Variants in TCEA3 observed in about 807,000 individuals in gnomAD.
TCEA3 encodes the protein transcription elongation factor A protein 3.
In TCEA3, 36 loss-of-function variants were observed where a neutral mutation model predicts 44.0. The ratio of observed to expected loss-of-function variants is 0.82; its 90% CI spans 0.63 to 1.08. The LOEUF is 1.08. TCEA3 is among the 50% of genes least tolerant of loss of function. The pLI is 0.00. For missense variants in TCEA3, 392 were observed against 441.2 expected (o/e 0.89, Z 1.00); for synonymous variants, 162 against 159.7 (o/e 1.01, Z -0.11).
chr1:23,405,393 G>A (rs907083138), intron 5 of TCEA3, among the ~76,000 whole-genome samples: 3 of 152,050 alleles, frequency 2.0e-5, no homozygotes, highest in Non-Finnish European at 4.4e-5. Context: ...TCAAGAGATC[G>A]AGACCATCCT....
chr1:23,400,179 G>T (rs1262490012), intron 5 of TCEA3, among the ~76,000 whole-genome samples: 3 of 152,182 alleles, frequency 2.0e-5, no homozygotes, highest in African/African-American at 7.2e-5. Context: ...CTGCTCTGCT[G>T]TTTATTCTTT....
chr1:23,394,821 C>T (rs560999242), intron 7 of TCEA3, among the ~76,000 whole-genome samples: 1 of 152,388 alleles, frequency 6.6e-6, no homozygotes, highest in African/African-American at 2.4e-5. Flanking sequence ...AGCCAGACCC[C>T]TCCTGACGGT....
chr1:23,392,516 T>C (rs1305745948), intron 8 of TCEA3, among the ~76,000 whole-genome samples: 1 of 28,086 alleles, frequency 3.6e-5, no homozygotes. Context: ...CCATACATCA[T>C]ACACACATAT....
At chr1:23,392,823 G>A (rs907154859) in intron 8 of TCEA3, among the ~76,000 whole-genome samples, 6 of 151,998 alleles carry the variant, frequency 3.9e-5, no homozygotes, top group African/African-American at 1.5e-4. Context: ...ATATACCAGT[G>A]GTCCCCAACA....
intron 10 of TCEA3, 196 bp downstream of exon 10, chr1:23,384,150 T>C: frequency 7.2e-7 from 1 of 1,383,658 alleles, no homozygotes; most frequent in Non-Finnish European, 9.4e-7. Flanking sequence ...CCTTCTAAAA[T>C]GAAAACATGC....
intron 4 of TCEA3, among the ~76,000 whole-genome samples, chr1:23,412,786 G>C (rs1013530215): frequency 4.6e-5 from 7 of 152,184 alleles, no homozygotes; most frequent in African/African-American, 1.4e-4. Context: ...TGGGAGAGGA[G>C]AGGAAGAAAA....
intron 5 of TCEA3, chr1:23,404,190 G>A (rs753415025): frequency 1.0e-5 from 7 of 702,120 alleles, no homozygotes; most frequent in South Asian, 5.9e-5. Flanking sequence ...CTGATAGCCA[G>A]GTAAAAGGAC....
chr1:23,399,165 T>TATATATAC (rs2148561075), intron 5 of TCEA3, among the ~76,000 whole-genome samples: 1 of 130,060 alleles, frequency 7.7e-6, no homozygotes, highest in South Asian at 2.7e-4. Context: ...TATATATATA[T>TATATATAC]ATATATATAT....
intron 1 of TCEA3, 136 bp from the exon 2 acceptor site, chr1:23,419,275 G>A: frequency 1.7e-6 from 1 of 580,970 alleles, no homozygotes; most frequent in South Asian, 3.1e-5. Flanking sequence ...GCAGAAGGAA[G>A]GAGAGAGACG....
intron 5 of TCEA3, among the ~76,000 whole-genome samples, chr1:23,399,160 A>G (rs137965256): frequency 4.6e-5 from 5 of 109,238 alleles, no homozygotes; most frequent in Admixed American, 2.6e-4. Flanking sequence ...ATATATATAT[A>G]TATATATATA....
At chr1:23,396,521 G>T (rs923376160) in intron 7 of TCEA3, among the ~76,000 whole-genome samples, 1 of 152,062 alleles carries the variant, frequency 6.6e-6, no homozygotes, top group African/African-American at 2.4e-5. Context: ...GGGGCACATG[G>T]AAAGGATTCA....
intron 1 of TCEA3, 80 bp from the exon 2 acceptor site, chr1:23,419,219 G>T: frequency 9.1e-7 from 1 of 1,093,462 alleles, no homozygotes; most frequent in Non-Finnish European, 1.3e-6. Context: ...TTGGTACAGA[G>T]AGCAGGAGGA....
At position 23,382,123 on chromosome 1, in the gene TCEA3, C is replaced by G. The variant is rs546625144; in HGVS notation, c.1039-649G>C. On this transcript the variant is annotated intron_variant, in intron 10 of 10. Coordinates refer to ENST00000450454, the MANE Select transcript of TCEA3 (RefSeq NM_003196.3). ...GTGCAATGGCATGATCTTGGCTCAC[C>G]GCAATCTCCGCCTCCTGAGTTCAAG... Among the ~76,000 whole-genome samples, 6 of 151,806 alleles carry G rather than the reference C, an allele frequency of 4.0e-5. No individual in the cohort carries two copies. In the East Asian group the frequency reaches 9.7e-4, roughly 25 times the overall value.
rs530800400 is a variant in TCEA3 at position 23,421,460 on chromosome 1, G to C, written c.70-2321C>G. ...AATCATGGAATATCAACATGGGTAA[G>C]TGCAGTGGTGTGCTGGCCAACGTTT... On this transcript the variant is annotated intron_variant, in intron 1 of 10. Coordinates refer to ENST00000450454, the MANE Select transcript of TCEA3 (RefSeq NM_003196.3). Among the ~76,000 whole-genome samples the C allele has an allele frequency of 2.0e-5, 3 of 151,912 alleles. No individual in the cohort carries two copies. In the South Asian group the frequency reaches 6.2e-4, roughly 32 times the overall value.
Position 23,397,827 on chromosome 1 carries a change from C to T in TCEA3, c.572G>A (p.Cys191Tyr). 1.9e-6 allele frequency: 3 copies of T among 1,614,024 alleles called. No individual in the cohort carries two copies. Among genetic ancestry groups the T allele is most frequent in the Non-Finnish European group, 8.5e-7 (1 of 1,179,902 alleles). ...CAGGGCTGCTGACAGCATCTCCACA[C>T]ACTTGTCCCGGACAGAGTCCCCTGT... is the stretch of plus-strand genomic sequence containing the variant. ...YLTGDSVRDK[C>Y]VEMLSAALKA... Residue 191 changes from cysteine (C) to tyrosine (Y), a missense_variant, in exon 6 of 11, where the codon TGT becomes TAT. Transcript: ENST00000450454.
intron 1 of TCEA3, chr1:23,423,925 T>C (rs907001917): frequency 2.2e-6 from 1 of 449,810 alleles, no homozygotes; most frequent in Middle Eastern, 3.9e-4. Flanking sequence ...CCGGCCCCCT[T>C]CCCCCGCCCC....
At chr1:23,412,258 A>T (rs990056699) in intron 4 of TCEA3, 4 of 152,132 alleles carry the variant, frequency 2.6e-5, no homozygotes, top group African/African-American at 4.8e-5. Flanking sequence ...TTTTATATTT[A>T]AAAAAATAAT....
intron 4 of TCEA3, chr1:23,412,051 C>T (rs1351537527): frequency 6.6e-6 from 1 of 152,178 alleles, no homozygotes; most frequent in Non-Finnish European, 1.5e-5. Context: ...CTTAAATAAA[C>T]AACCCTCCTG....
chr1:23,415,007 TA>T (rs1639845295), intron 4 of TCEA3, among the ~76,000 whole-genome samples: 1 of 145,706 alleles, frequency 6.9e-6, no homozygotes, highest in Admixed American at 7.1e-5. Context: ...GAAATCCCTT[TA>T]CTGTTCTTTT....
Sources: gnomAD v4.1 joint callset for allele counts (sites outside exome capture counted in the v4.1 genomes callset) on GRCh38, gnomAD v4.1.1 for gene constraint, MANE v1.5 for transcripts, NCBI Gene and HGNC (gene_info 2026-07-23, HGNC 2026-07-21) for gene names.